The following AKAP12 variants were observed in gnomAD, a reference collection of about 807,000 sequenced individuals.
AKAP12 encodes the protein A-kinase anchoring protein 12.
In AKAP12, 32 loss-of-function variants were observed where a neutral mutation model predicts 79.9. The observed-to-expected ratio is 0.40, with a 90% confidence interval of 0.30 to 0.54. The LOEUF is 0.54. AKAP12 is among the 20% of genes least tolerant of loss of function. The pLI, the probability that AKAP12 is intolerant of heterozygous loss-of-function variation, is 0.48. For missense variants in AKAP12, 2,074 were observed against 2,177.0 expected (o/e 0.95, Z 0.94); for synonymous variants, 808 against 857.0 (o/e 0.94, Z 1.00).
intron 3 of AKAP12, among the ~76,000 whole-genome samples, chr6:151,312,661 G>A (rs371639585): frequency 1.4e-4 from 22 of 151,990 alleles, no homozygotes; most frequent in East Asian, 3.9e-4. Flanking sequence ...GCGTGGTGGC[G>A]GGCGCCTGTA....
intron 4 of AKAP12, 66 bp downstream of exon 4, chr6:151,353,818 T>C: frequency 2.6e-6 from 3 of 1,163,076 alleles, no homozygotes. Context: ...ATTTGTTACA[T>C]AAGGAATCGG....
At chr6:151,334,155 A>G (rs1389673144) in intron 3 of AKAP12, among the ~76,000 whole-genome samples, 6 of 152,186 alleles carry the variant, frequency 3.9e-5, no homozygotes, top group African/African-American at 9.7e-5. Flanking sequence ...GCATCTTTAC[A>G]TGGTGCAAAT....
intron 2 of AKAP12, among the ~76,000 whole-genome samples, chr6:151,279,712 C>T (rs1406292485): frequency 6.6e-6 from 1 of 151,714 alleles, no homozygotes; most frequent in Non-Finnish European, 1.5e-5. Context: ...GGCGAGGTGG[C>T]AGGCGCCTGT....
chr6:151,353,475 C>T lies in AKAP12; in HGVS notation c.5084C>T (p.Pro1695Leu), dbSNP rs555772544. Residue 1695 changes from proline (P) to leucine (L), a missense_variant, in exon 4 of 5, where the codon CCG (proline) becomes CTG (leucine). Physicochemically the swap from Pro to Leu is moderately conservative, Grantham distance 98. This residue lies in a region of AKAP12 where 614 missense variants were observed against 665.6 expected (regional missense o/e 0.92). Transcript: ENST00000402676. ...AGAATAGAGAAGTCACTAGTTGAAC[C>T]GAAAGAAGATGAAAAAGGTGATGAT... ...AERIEKSLVE[P>L]KEDEKGDDVD... The T allele has an allele frequency of 4.8e-5, 77 of 1,613,986 alleles. No homozygotes were observed. The South Asian group carries it at 7.4e-4, about 15-fold the overall frequency.
intron 2 of AKAP12, among the ~76,000 whole-genome samples, chr6:151,302,438 G>A (rs956797802): frequency 3.3e-5 from 5 of 152,140 alleles, no homozygotes; most frequent in African/African-American, 9.7e-5. Flanking sequence ...GGACTACAGC[G>A]CACGTCACAG....
rs570857162 is a variant in AKAP12, at chr6:151,280,998, G to T, written c.163-24749G>T. ...TCTAAAGATATATACAGTTAACAAG[G>T]TCATGTTTAAATTTACCAGTAAACA... is the stretch of plus-strand genomic sequence containing the variant. On this transcript the variant is annotated intron_variant, in intron 2 of 4. Transcript: ENST00000402676. 2.6e-5 allele frequency among the ~76,000 whole-genome samples: 4 copies of T among 152,176 alleles called. No individual in the cohort carries two copies. In the East Asian group the frequency reaches 7.7e-4, roughly 29 times the overall value.
At chr6:151,346,004 G>A (rs73620924) in intron 3 of AKAP12, among the ~76,000 whole-genome samples, 2,152 of 150,378 alleles carry the variant, frequency 0.014, 46 homozygotes, top group African/African-American at 0.049. Flanking sequence ...TGAGGTCATT[G>A]TATATACTGT....
intron 2 of AKAP12, among the ~76,000 whole-genome samples, chr6:151,255,503 A>G (rs1797274443): frequency 6.6e-6 from 1 of 152,056 alleles, no homozygotes; most frequent in African/African-American, 2.4e-5. Flanking sequence ...ATCCTGGAAT[A>G]AAAATTGTTT....
chr6:151,265,950 G>C (rs1797542964), intron 2 of AKAP12, among the ~76,000 whole-genome samples: 1 of 152,172 alleles, frequency 6.6e-6, no homozygotes, highest in African/African-American at 2.4e-5. Flanking sequence ...TTTTGTTGTT[G>C]TTTTCAGGTT....
intron 2 of AKAP12, among the ~76,000 whole-genome samples, chr6:151,258,023 A>G (rs1797334581): frequency 6.6e-6 from 1 of 152,216 alleles, no homozygotes; most frequent in Non-Finnish European, 1.5e-5. Flanking sequence ...ATGGCACGTA[A>G]TTGCATGTGG....
chr6:151,285,579 A>G (rs1474997734), intron 2 of AKAP12, among the ~76,000 whole-genome samples: 1 of 152,066 alleles, frequency 6.6e-6, no homozygotes, highest in Non-Finnish European at 1.5e-5. Flanking sequence ...CTCTGGTTGT[A>G]ATGTCTTGGG....
intron 2 of AKAP12, among the ~76,000 whole-genome samples, chr6:151,297,019 GT>G (rs36046672): frequency 0.41 from 52,446 of 127,434 alleles, 10,638 homozygotes; most frequent in Non-Finnish European, 0.54. Context: ...AAATAAAAGG[GT>G]TTTTTTTTTT....
intron 3 of AKAP12, among the ~76,000 whole-genome samples, chr6:151,347,774 C>T (rs939025872): frequency 5.3e-5 from 8 of 152,306 alleles, no homozygotes; most frequent in East Asian, 1.9e-4. Context: ...CAGTGGCTCA[C>T]GCCTGTAATC....
chr6:151,245,933 A>T (rs4869722), intron 2 of AKAP12, among the ~76,000 whole-genome samples: 1 of 151,940 alleles, frequency 6.6e-6, no homozygotes, highest in Admixed American at 6.6e-5. Flanking sequence ...CATATCACAT[A>T]TAGATTTAGG....
Position 151,275,103 on chromosome 6 carries a change from CA to C in AKAP12, c.163-30634del, listed in dbSNP as rs200596764. Among the ~76,000 whole-genome samples the C allele has an allele frequency of 3.0e-3, 453 of 151,498 alleles. 1 individual carries two copies. The highest frequency in any genetic ancestry group is 6.8e-3 in the Middle Eastern group (2 of 294). ...TGGGTGACAGAGCAAGACCCTGTCTCAAAAAAAAAATTTTTTTTTAATTGTA... is the reference window on the plus strand; with the variant it reads ...TGGGTGACAGAGCAAGACCCTGTCTCAAAAAAAAATTTTTTTTTAATTGTA... On this transcript the variant is annotated intron_variant, in intron 2 of 4. Coordinates refer to ENST00000402676, the MANE Select transcript of AKAP12 (RefSeq NM_005100.4).
At chr6:151,341,584 A>G in intron 3 of AKAP12, 1 of 548,140 alleles carries the variant, frequency 1.8e-6, no homozygotes, top group Non-Finnish European at 2.5e-6. Context: ...GGCTTTCGCG[A>G]GCTATGGCAG....
At chr6:151,244,455 C>A (rs747376421) in intron 2 of AKAP12, among the ~76,000 whole-genome samples, 1 of 152,132 alleles carries the variant, frequency 6.6e-6, no homozygotes, top group African/African-American at 2.4e-5. Context: ...ACTCGGGAAG[C>A]GGAGTTTGCA....
intron 3 of AKAP12, among the ~76,000 whole-genome samples, chr6:151,332,090 G>T (rs3002632): frequency 0.49 from 69,786 of 140,982 alleles, 20,098 homozygotes; most frequent in African/African-American, 0.8. Flanking sequence ...CTGCTGGAGT[G>T]CAGTGGCATG....
At chr6:151,348,434 T>G in intron 3 of AKAP12, 1 of 539,900 alleles carries the variant, frequency 1.9e-6, no homozygotes, top group Non-Finnish European at 3.5e-6. Context: ...AGCCCAGCAG[T>G]TGGAGAGCAG....
Sources: gnomAD v4.1 joint callset for allele counts (sites outside exome capture counted in the v4.1 genomes callset) on GRCh38, gnomAD v4.1.1 for gene constraint, gnomAD v4.1.1 regional missense constraint, MANE v1.5 for transcripts, NCBI Gene and HGNC (gene_info 2026-07-23, HGNC 2026-07-21) for gene names.